Variants in ANO5 observed in about 807,000 individuals in gnomAD.
ANO5 encodes anoctamin-5.
Under a neutral mutation model 121.0 loss-of-function variants are expected in ANO5, and 109 were observed. That is an observed-to-expected ratio of 0.90 (90% confidence interval 0.77 to 1.06). The LOEUF (loss-of-function observed/expected upper bound fraction) is 1.06. Among genes scored for constraint, ANO5 ranks in the 50% least tolerant of loss-of-function variants. ANO5 has a pLI of 0.00. For missense variants in ANO5, 1,064 were observed against 1,078.5 expected (o/e 0.99, Z 0.19); for synonymous variants, 406 against 359.9 (o/e 1.13, Z -1.45).
intron 9 of ANO5, among the ~76,000 whole-genome samples, chr11:22,243,952 C>T (rs1357947358): frequency 9.4e-5 from 3 of 32,084 alleles, no homozygotes; most frequent in Admixed American, 3.2e-4. Context: ...GTCATCATGT[C>T]GTTAGCTTGT....
chr11:22,208,359 C>G (rs1852181265), intron 2 of ANO5, among the ~76,000 whole-genome samples: 1 of 151,950 alleles, frequency 6.6e-6, no homozygotes. Context: ...TAAAAAGGAA[C>G]AAACTATTAA....
intron 2 of ANO5, among the ~76,000 whole-genome samples, chr11:22,206,231 T>A (rs936394372): frequency 1.3e-5 from 2 of 152,066 alleles, no homozygotes; most frequent in African/African-American, 4.8e-5. Context: ...TAGTAAAATA[T>A]TAGCAAATAA....
At position 22,227,502 on chromosome 11, in the gene ANO5, T is replaced by G; in HGVS notation, c.564T>G (p.Thr188=). The G allele has an allele frequency of 3.7e-6, 6 of 1,613,640 alleles. No homozygotes were observed. Among genetic ancestry groups the G allele is most frequent in the Non-Finnish European group, 3.4e-6 (4 of 1,179,756 alleles). The change falls in exon 7 of 22, where the codon ACT becomes ACG. Residue 188 remains threonine, a synonymous_variant. Coordinates refer to ENST00000324559, the MANE Select transcript of ANO5 (RefSeq NM_213599.3). ...AGTATCCCCATCCTGAATATTTTACTGCACAATTCAGCAGACATCGGCAGG... is the reference window on the plus strand; with the variant it reads ...AGTATCCCCATCCTGAATATTTTACGGCACAATTCAGCAGACATCGGCAGG... ...SVKYPHPEYF[T]AQFSRHRQEL...
Position 22,255,501 on chromosome 11 carries a change from G to A in ANO5, c.1311G>A (p.Arg437=). The A allele has an allele frequency of 6.2e-7, 1 of 1,613,422 alleles. No individual in the cohort carries two copies. Residue 437 remains arginine, a synonymous_variant, in exon 13 of 22, where the codon AGG becomes AGA. Coordinates refer to ENST00000324559, the MANE Select transcript of ANO5 (RefSeq NM_213599.3). ...AATTTGAAGCTATGTGTAAACACAGGAAATTGAATGCAGTGACTAAGGTAG... is the reference window on the plus strand; with the variant it reads ...AATTTGAAGCTATGTGTAAACACAGAAAATTGAATGCAGTGACTAAGGTAG... The part of the protein sequence containing the change: ...RPEFEAMCKH[R]KLNAVTKEME...
At chr11:22,232,461 T>C (rs1255034520) in intron 7 of ANO5, among the ~76,000 whole-genome samples, 2 of 151,972 alleles carry the variant, frequency 1.3e-5, no homozygotes, top group Non-Finnish European at 2.9e-5. Flanking sequence ...TCTTTTGTTA[T>C]TTTGTGTTTC....
rs1265521389 is a variant in ANO5 at position 22,257,730 on chromosome 11, T to C, written c.1383T>C (p.Leu461=). 5.6e-6 allele frequency: 9 copies of C among 1,612,396 alleles called. No individual in the cohort carries two copies. The highest frequency in any genetic ancestry group is 7.6e-6 in the Non-Finnish European group (9 of 1,178,710). The change falls in exon 14 of 22, where the codon CTT becomes CTC. Residue 461 remains leucine (L), a synonymous_variant. Coordinates refer to ENST00000324559, the MANE Select transcript of ANO5 (RefSeq NM_213599.3). ...PLYTRIPWYF[L]SGATVTLWMS... ...ACACGCGTATTCCATGGTACTTTCT[T>C]TCAGGAGCCACAGTGACATTATGGG... is the stretch of plus-strand genomic sequence containing the variant.
intron 5 of ANO5, among the ~76,000 whole-genome samples, chr11:22,221,982 C>T (rs898590688): frequency 2.0e-5 from 3 of 151,976 alleles, no homozygotes; most frequent in Non-Finnish European, 2.9e-5. Context: ...TCTACCAGGC[C>T]TCTGAAATTC....
At chr11:22,251,803 G>A (rs1444780047) in intron 12 of ANO5, among the ~76,000 whole-genome samples, 1 of 151,670 alleles carries the variant, frequency 6.6e-6, no homozygotes, top group East Asian at 1.9e-4. Flanking sequence ...GAGGTGGGCA[G>A]ATCACGAGGT....
chr11:22,251,864 A>G (rs1027094168), intron 12 of ANO5, among the ~76,000 whole-genome samples: 2 of 151,380 alleles, frequency 1.3e-5, no homozygotes, highest in Admixed American at 1.3e-4. Context: ...GTCTCTACTA[A>G]AAAATACCAA....
intron 15 of ANO5, chr11:22,261,419 C>G (rs1854183547): frequency 6.6e-6 from 1 of 152,580 alleles, no homozygotes; most frequent in Non-Finnish European, 1.5e-5. Flanking sequence ...AATCCCAGCA[C>G]TTTAGGAGAC....
chr11:22,269,589 GA>G (rs1476762370), intron 17 of ANO5, among the ~76,000 whole-genome samples: 2 of 146,044 alleles, frequency 1.4e-5, no homozygotes, highest in African/African-American at 5.5e-5. Context: ...GAAAGAAAGA[GA>G]AAGAAAGAGT....
chr11:22,239,732 T>C, intron 9 of ANO5, 48 bp downstream of exon 9: 1 of 1,396,128 alleles, frequency 7.2e-7, no homozygotes, highest in Non-Finnish European at 1.0e-6. Flanking sequence ...GATAATGTGA[T>C]TTTTATTCAC....
At chr11:22,227,017 C>T (rs914904799) in intron 6 of ANO5, among the ~76,000 whole-genome samples, 4 of 152,032 alleles carry the variant, frequency 2.6e-5, no homozygotes, top group African/African-American at 9.7e-5. Flanking sequence ...ATACATTGAC[C>T]ATGAAATATA....
chr11:22,264,046 C>CA (rs1181317727), intron 17 of ANO5, among the ~76,000 whole-genome samples: 1 of 104,048 alleles, frequency 9.6e-6, no homozygotes, highest in African/African-American at 4.9e-5. Context: ...TTTTTTGAGA[C>CA]AGAGTTACAC....
intron 17 of ANO5, among the ~76,000 whole-genome samples, chr11:22,269,575 AAAAGAAAG>A (rs144691219): frequency 6.8e-6 from 1 of 147,276 alleles, no homozygotes; most frequent in East Asian, 2.0e-4. Context: ...AGGAAAGAAA[AAAAGAAAG>A]AAAGAGAAAG....
In ANO5 at chr11:22,193,234, G is replaced by A. The variant is rs1448515526; in HGVS notation, c.-259G>A. The stretch of plus-strand genomic sequence containing the variant: ...GGAAGCGCAGGGCCAAGCGCGCGAA[G>A]CAGGTTGTGGGGGACCGGGTCGAGT... On this transcript the variant is annotated 5_prime_UTR_variant, in exon 1 of 22. Coordinates refer to ENST00000324559, the MANE Select transcript of ANO5 (RefSeq NM_213599.3). 1 of 1,357,824 alleles carries A rather than the reference G, an allele frequency of 7.4e-7. No homozygotes were observed. Among genetic ancestry groups the A allele is most frequent in the Non-Finnish European group, 9.5e-7 (1 of 1,049,966 alleles). 84.1% of individuals were successfully genotyped at this position (1,357,824 alleles called of 1,614,324 possible).
Position 22,250,353 on chromosome 11 carries a change from T to C in ANO5, c.995T>C (p.Met332Thr). ...TGTTTTATTTATGGCTTATTATCAA[T>C]GGAACATAACACAAGCAGGTAAGTG... ...LACFIYGLLS[M>T]EHNTSSTEIC... The change falls in exon 10 of 22, where the codon ATG (methionine) becomes ACG (threonine). Residue 332 changes from methionine (M) to threonine (T), a missense_variant. Physicochemically the swap from Met to Thr is moderately conservative, Grantham distance 81 (BLOSUM62 -1). Transcript: ENST00000324559. 3 of 1,613,580 alleles carry C rather than the reference T, an allele frequency of 1.9e-6. No homozygotes were observed. Among genetic ancestry groups the C allele is most frequent in the Non-Finnish European group, 2.5e-6 (3 of 1,179,708 alleles).
intron 1 of ANO5, among the ~76,000 whole-genome samples, chr11:22,203,194 C>T (rs990611577): frequency 6.6e-6 from 1 of 152,080 alleles, no homozygotes. Context: ...AAGTTTTTGA[C>T]TTAAATATAT....
chr11:22,277,973 TTTTC>T (rs757838632), intron 21 of ANO5: 4 of 151,732 alleles, frequency 2.6e-5, no homozygotes, highest in Non-Finnish European at 4.4e-5. Context: ...TGAAAATTTC[TTTTC>T]TTTCCTTACA....
Sources: allele counts gnomAD v4.1 joint callset (sites outside exome capture counted in the v4.1 genomes callset), GRCh38; gene constraint gnomAD v4.1.1; transcripts MANE v1.5; gene names NCBI Gene and HGNC (gene_info 2026-07-23, HGNC 2026-07-21).